Variants in SGCZ observed in about 807,000 individuals in gnomAD.
SGCZ encodes the protein zeta-sarcoglycan.
In SGCZ, 40 loss-of-function variants were observed where a neutral mutation model predicts 41.3. That is an observed-to-expected ratio of 0.97 (90% CI 0.75 to 1.26). SGCZ has a LOEUF of 1.26. Ranked by LOEUF, SGCZ falls within the 50% of genes most tolerant of loss-of-function variation. The pLI, the probability that SGCZ is intolerant of heterozygous loss-of-function variation, is 0.00. For synonymous variants in SGCZ, 206 were observed against 137.5 expected, an observed-to-expected ratio of 1.50 and a Z score of -3.49; for missense variants, 552 against 369.8, an observed-to-expected ratio of 1.49 and a Z score of -4.04.
At chr8:14,262,511 A>C (rs927052989) in intron 3 of SGCZ, among the ~76,000 whole-genome samples, 3 of 152,056 alleles carry the variant, frequency 2.0e-5, no homozygotes, top group African/African-American at 4.8e-5. Flanking sequence ...ATAGTATTTC[A>C]AAGCACAGGA....
At chr8:15,166,421 C>G (rs758961905) in intron 1 of SGCZ, among the ~76,000 whole-genome samples, 2 of 151,634 alleles carry the variant, frequency 1.3e-5, no homozygotes, top group Non-Finnish European at 2.9e-5. Context: ...CTAGTTTTTT[C>G]TATTTTTTAG....
intron 2 of SGCZ, among the ~76,000 whole-genome samples, chr8:14,352,015 A>C (rs1323918655): frequency 6.6e-6 from 1 of 152,178 alleles, no homozygotes. Flanking sequence ...TATGAAATAC[A>C]TAGCACGGTA....
chr8:14,664,100 G>C (rs961564315), intron 1 of SGCZ, among the ~76,000 whole-genome samples: 1 of 152,182 alleles, frequency 6.6e-6, no homozygotes, highest in Non-Finnish European at 1.5e-5. Context: ...AATGAGAAAT[G>C]AGGACTAAAT....
At chr8:14,877,177 T>G (rs1804394530) in intron 1 of SGCZ, among the ~76,000 whole-genome samples, 1 of 152,080 alleles carries the variant, frequency 6.6e-6, no homozygotes, top group Admixed American at 6.6e-5. Flanking sequence ...CTTCACCATG[T>G]TGGCGTGGAG....
intron 2 of SGCZ, among the ~76,000 whole-genome samples, chr8:14,417,999 G>A (rs1264302154): frequency 6.6e-6 from 1 of 151,696 alleles, no homozygotes; most frequent in African/African-American, 2.4e-5. Context: ...TCCTGATAAT[G>A]TACAAAAGGA....
intron 2 of SGCZ, among the ~76,000 whole-genome samples, chr8:14,364,289 C>T (rs1035122606): frequency 7.2e-5 from 11 of 152,118 alleles, no homozygotes; most frequent in Non-Finnish European, 1.0e-4. Flanking sequence ...TGGTGGACCC[C>T]GATGGCTTCT....
At chr8:14,608,877 T>C (rs548490777) in intron 1 of SGCZ, among the ~76,000 whole-genome samples, 32 of 152,288 alleles carry the variant, frequency 2.1e-4, no homozygotes, top group African/African-American at 7.7e-4. Flanking sequence ...TCCAACTTTT[T>C]CTAAGATCAT....
At chr8:14,865,294 A>C (rs2130689458) in intron 1 of SGCZ, among the ~76,000 whole-genome samples, 1 of 151,992 alleles carries the variant, frequency 6.6e-6, no homozygotes, top group South Asian at 2.1e-4. Flanking sequence ...GAACTCTCAG[A>C]CCATATCCCT....
intron 4 of SGCZ, among the ~76,000 whole-genome samples, chr8:14,200,664 A>G (rs1243129747): frequency 6.6e-6 from 1 of 152,124 alleles, no homozygotes; most frequent in Non-Finnish European, 1.5e-5. Context: ...TATATAGAAA[A>G]AATAAGTCAA....
chr8:14,401,070 A>G (rs1181055501), intron 2 of SGCZ, among the ~76,000 whole-genome samples: 1 of 152,136 alleles, frequency 6.6e-6, no homozygotes, highest in East Asian at 1.9e-4. Context: ...TCCCTGTGTA[A>G]TTAATGGAAG....
intron 1 of SGCZ, among the ~76,000 whole-genome samples, chr8:14,697,370 A>G (rs1357977255): frequency 6.6e-5 from 10 of 152,058 alleles, no homozygotes; most frequent in Non-Finnish European, 1.2e-4. Context: ...ATTAAATGAA[A>G]CAATTCACAT....
intron 1 of SGCZ, among the ~76,000 whole-genome samples, chr8:14,702,030 C>G (rs931413654): frequency 2.6e-5 from 4 of 151,878 alleles, no homozygotes; most frequent in Non-Finnish European, 5.9e-5. Flanking sequence ...CTGTCTCCAC[C>G]TTCTTCAGTC....
intron 1 of SGCZ, among the ~76,000 whole-genome samples, chr8:15,138,701 T>C (rs1020274916): frequency 2.6e-5 from 4 of 152,226 alleles, no homozygotes; most frequent in African/African-American, 9.6e-5. Context: ...TGAAGCCGCC[T>C]CAGCCATGCT....
At chr8:14,967,516 C>A (rs1005047232) in intron 1 of SGCZ, among the ~76,000 whole-genome samples, 12 of 152,142 alleles carry the variant, frequency 7.9e-5, no homozygotes, top group African/African-American at 2.9e-4. Flanking sequence ...GATTTCCAGA[C>A]TCTCATACTC....
At chr8:15,166,861 T>C (rs915104122) in intron 1 of SGCZ, among the ~76,000 whole-genome samples, 2 of 152,190 alleles carry the variant, frequency 1.3e-5, no homozygotes, top group African/African-American at 4.8e-5. Context: ...ACTTTAGAGA[T>C]TGTAACATTG....
chr8:15,004,646 C>G (rs7815541), intron 1 of SGCZ, among the ~76,000 whole-genome samples: 3 of 151,812 alleles, frequency 2.0e-5, no homozygotes, highest in African/African-American at 7.2e-5. Context: ...TCCCATTTTC[C>G]TTCAGTAAAT....
At chr8:14,879,720 A>C (rs1188099640) in intron 1 of SGCZ, 1 of 151,738 alleles carries the variant, frequency 6.6e-6, no homozygotes, top group African/African-American at 2.4e-5. Flanking sequence ...ACACCAGCCT[A>C]CTATGCACAT....
intron 2 of SGCZ, among the ~76,000 whole-genome samples, chr8:14,554,483 G>A (rs536665673): frequency 6.6e-6 from 1 of 152,116 alleles, no homozygotes; most frequent in African/African-American, 2.4e-5. Flanking sequence ...ATGTTCTAAT[G>A]AATCAATGTG....
chr8:14,520,350 T>C (rs1014577346), intron 2 of SGCZ, among the ~76,000 whole-genome samples: 1 of 152,120 alleles, frequency 6.6e-6, no homozygotes, highest in Non-Finnish European at 1.5e-5. Flanking sequence ...TCACAATGGT[T>C]GTAGCTCATA....
Sources: allele counts gnomAD v4.1 joint callset (sites outside exome capture counted in the v4.1 genomes callset), GRCh38; gene constraint gnomAD v4.1.1; transcripts MANE v1.5; gene names NCBI Gene and HGNC (gene_info 2026-07-23, HGNC 2026-07-21).